The following TOPAZ1 variants were observed in gnomAD, a reference collection of about 807,000 sequenced individuals.
The protein encoded by TOPAZ1 is testis and ovary specific TOPAZ 1.
In TOPAZ1, 66 loss-of-function variants were observed where a neutral mutation model predicts 172.2. The observed-to-expected ratio is 0.38, with a 90% confidence interval of 0.31 to 0.47. The LOEUF (loss-of-function observed/expected upper bound fraction) is 0.47. TOPAZ1 is among the 20% of genes least tolerant of loss of function. The pLI is 0.99. For missense variants in TOPAZ1, 1,822 were observed against 1,972.4 expected, an observed-to-expected ratio of 0.92 and a Z score of 1.44; for synonymous variants, 681 against 683.9, an observed-to-expected ratio of 1.00 and a Z score of 0.07.
intron 3 of TOPAZ1, among the ~76,000 whole-genome samples, chr3:44,255,551 C>CT (rs1339399297): frequency 6.6e-6 from 1 of 151,210 alleles, no homozygotes; most frequent in Non-Finnish European, 1.5e-5. Context: ...ACTTGGGAGG[C>CT]TGAGGCAGGA....
At position 44,245,036 on chromosome 3, in the gene TOPAZ1, A is replaced by G; in HGVS notation, c.2530A>G (p.Asn844Asp). 3.2e-6 allele frequency: 5 copies of G among 1,551,692 alleles called. No homozygotes were observed. The highest frequency in any genetic ancestry group is 4.4e-6 in the Non-Finnish European group (5 of 1,146,984). ...AGTTAGGGGTAGAAAAATAACTAAGAATTTTTCAGAGGTAGGGTTTCCAGA... is the reference window on the plus strand; with the variant it reads ...AGTTAGGGGTAGAAAAATAACTAAGGATTTTTCAGAGGTAGGGTTTCCAGA... ...SEVRGRKITK[N>D]FSEVGFPDIL... The change falls in exon 2 of 20, where the codon AAT becomes GAT. Residue 844 changes from asparagine (N) to aspartate (D), a missense_variant. Around this residue, in one of 2 missense-constraint regions of TOPAZ1, gnomAD observed 1,489 missense variants for 1,490.8 expected, o/e 1.00. Coordinates refer to ENST00000309765, the MANE Select transcript of TOPAZ1 (RefSeq NM_001145030.2).
At chr3:44,310,935 C>T (rs936342952) in intron 16 of TOPAZ1, among the ~76,000 whole-genome samples, 2 of 152,128 alleles carry the variant, frequency 1.3e-5, no homozygotes, top group African/African-American at 2.4e-5. Flanking sequence ...AAAAAGAGCA[C>T]AATAGTGTTA....
downstream of TOPAZ1, among the ~76,000 whole-genome samples, chr3:44,333,174 A>G (rs570639700): frequency 8.5e-5 from 13 of 152,202 alleles, no homozygotes; most frequent in South Asian, 2.3e-3. Context: ...AAATAGCAGC[A>G]TCATTGGAAT....
At chr3:44,335,769 T>C (rs1700717646), downstream of TOPAZ1, among the ~76,000 whole-genome samples, 1 of 152,210 alleles carries the variant, frequency 6.6e-6, no homozygotes, top group Admixed American at 6.5e-5. Context: ...TTAAAGCCTA[T>C]TTTAAAGTGT....
intron 18 of TOPAZ1, among the ~76,000 whole-genome samples, chr3:44,327,631 T>C (rs931932055): frequency 2.0e-4 from 30 of 152,152 alleles, no homozygotes; most frequent in African/African-American, 7.2e-4. Context: ...TGCTCAAAAA[T>C]AGTTATTCTG....
chr3:44,332,300 A>AG (rs896026153), downstream of TOPAZ1, among the ~76,000 whole-genome samples: 1 of 152,172 alleles, frequency 6.6e-6, no homozygotes, highest in African/African-American at 2.4e-5. Flanking sequence ...ATTTAGTAAG[A>AG]GGGAGACATA....
At chr3:44,260,498 C>T (rs139585627) in intron 4 of TOPAZ1, among the ~76,000 whole-genome samples, 6 of 152,052 alleles carry the variant, frequency 3.9e-5, no homozygotes, top group African/African-American at 1.2e-4. Flanking sequence ...TTAAAATTTT[C>T]TCCCATATTT....
intron 16 of TOPAZ1, among the ~76,000 whole-genome samples, chr3:44,316,297 C>T (rs1700451996): frequency 6.6e-6 from 1 of 152,002 alleles, no homozygotes; most frequent in South Asian, 2.1e-4. Flanking sequence ...GCAACTTAGC[C>T]TCATCCAAAT....
At chr3:44,287,962 C>A (rs1700097739) in intron 11 of TOPAZ1, 123 bp downstream of exon 11, 2 of 600,832 alleles carry the variant, frequency 3.3e-6, no homozygotes, top group African/African-American at 4.0e-5. Context: ...ATTCTATTTC[C>A]AGAAGTATTC....
At chr3:44,305,382 T>C in intron 14 of TOPAZ1, 61 bp downstream of exon 14, 1 of 1,385,452 alleles carries the variant, frequency 7.2e-7, no homozygotes, top group Non-Finnish European at 9.6e-7. Context: ...TCTTTTTTGT[T>C]TTTTAGAGAC....
chr3:44,315,533 A>ATT (rs369669969), intron 16 of TOPAZ1, among the ~76,000 whole-genome samples: 59,208 of 128,634 alleles, frequency 0.46, 14,035 homozygotes, highest in South Asian at 0.71. Context: ...ACGTCTGGCT[A>ATT]TTTTTTTTTT....
chr3:44,322,868 A>G (rs1299352048), intron 17 of TOPAZ1, among the ~76,000 whole-genome samples: 1 of 152,230 alleles, frequency 6.6e-6, no homozygotes, highest in Non-Finnish European at 1.5e-5. Context: ...CAGTGAGCCA[A>G]GATCATGCCA....
intron 16 of TOPAZ1, 147 bp downstream of exon 16, chr3:44,310,137 T>G: frequency 1.5e-6 from 1 of 676,734 alleles, no homozygotes. Flanking sequence ...GGTTGTCATG[T>G]AAACTGAAAG....
chr3:44,277,445 A>G (rs978379429), intron 8 of TOPAZ1, among the ~76,000 whole-genome samples: 7 of 152,208 alleles, frequency 4.6e-5, no homozygotes, highest in African/African-American at 1.7e-4. Context: ...GCAAAGAGTG[A>G]CAATTTGACT....
rs922436034 is a variant in TOPAZ1, at chr3:44,305,316, A to G, written c.4034A>G (p.Glu1345Gly). ...RPDIPFCEFA[E>G]TVSKDPQNSK... ...GATATTCCCTTTTGTGAATTTGCTG[A>G]AACAGGTAAAATGTAACTATTGGCC... The change falls in exon 14 of 20, where the codon GAA becomes GGA. Residue 1345 changes from glutamate (E) to glycine (G), a missense_variant. By Grantham distance (98) the Glu-to-Gly change is moderately conservative (BLOSUM62 -2). Around this residue, in one of 2 missense-constraint regions of TOPAZ1, gnomAD observed 333 missense variants for 481.7 expected, o/e 0.69. Transcript: ENST00000309765. 6.5e-7 allele frequency: 1 copy of G among 1,535,594 alleles called. No homozygotes were observed. Among genetic ancestry groups the G allele is most frequent in the Non-Finnish European group, 8.8e-7 (1 of 1,142,822 alleles).
In TOPAZ1 at chr3:44,277,179, A is replaced by G. The variant is rs140112730; in HGVS notation, c.3373-4789A>G. 8.5e-5 allele frequency among the ~76,000 whole-genome samples: 13 copies of G among 152,208 alleles called. No individual in the cohort carries two copies. In the East Asian group the frequency reaches 1.7e-3, roughly 20 times the overall value. ...GTTTGTGTCCTCTTCAGTCTCTTTC[A>G]TCAGTGCCTTGTGGTTTCCTTGTAG... On this transcript the variant is annotated intron_variant, in intron 8 of 19. Coordinates refer to ENST00000309765, the MANE Select transcript of TOPAZ1 (RefSeq NM_001145030.2).
intron 12 of TOPAZ1, among the ~76,000 whole-genome samples, chr3:44,299,898 A>G (rs1452088091): frequency 7.0e-6 from 1 of 143,116 alleles, no homozygotes; most frequent in Non-Finnish European, 1.5e-5. Context: ...TGGGAATTGA[A>G]CAATGAGAAC....
rs1559521530 is a variant in TOPAZ1, at chr3:44,243,127, A to G, written c.621A>G (p.Pro207=). Reference sequence around the variant, plus strand: ...AAGATGAACTGTACAAGAATACTCCAAAATATTCTTGTAATATCTTGTCAC... The same window carrying G: ...AAGATGAACTGTACAAGAATACTCCGAAATATTCTTGTAATATCTTGTCAC... ...EFQDELYKNT[P]KYSCNILSPE... Residue 207 remains proline (P), a synonymous_variant, in exon 2 of 20, where the codon CCA becomes CCG. Transcript: ENST00000309765. 6.5e-7 allele frequency: 1 copy of G among 1,549,296 alleles called. No individual in the cohort carries two copies. The highest frequency in any genetic ancestry group is 8.7e-7 in the Non-Finnish European group (1 of 1,145,630).
At position 44,244,053 on chromosome 3, in the gene TOPAZ1, G is replaced by C; in HGVS notation, c.1547G>C (p.Ser516Thr). 1 of 1,551,814 alleles carries C rather than the reference G, an allele frequency of 6.4e-7. No homozygotes were observed. Among genetic ancestry groups the C allele is most frequent in the Non-Finnish European group, 8.7e-7 (1 of 1,146,992 alleles). Residue 516 changes from serine (S) to threonine (T), a missense_variant, in exon 2 of 20, where the codon AGT (serine) becomes ACT (threonine). Around this residue, in one of 2 missense-constraint regions of TOPAZ1, gnomAD observed 1,489 missense variants for 1,490.8 expected, o/e 1.00. Transcript: ENST00000309765. ...CWKKASLPES[S>T]YFLRGSQESC... is the part of the protein sequence containing the mutation. ...AAAAAGGCTTCCTTGCCAGAATCAA[G>C]TTACTTTCTTCGTGGGTCTCAGGAA...
Sources: gnomAD v4.1 joint callset for allele counts (sites outside exome capture counted in the v4.1 genomes callset) on GRCh38, gnomAD v4.1.1 for gene constraint, gnomAD v4.1.1 regional missense constraint, MANE v1.5 for transcripts, NCBI Gene and HGNC (gene_info 2026-07-23, HGNC 2026-07-21) for gene names.